The following GLE1 variants were observed in gnomAD, a reference collection of about 807,000 sequenced individuals.
The protein encoded by GLE1 is GLE1 RNA export mediator, also known as mRNA export factor GLE1.
GLE1 carries 78 observed loss-of-function variants against 97.3 expected under a neutral mutation model. That is an observed-to-expected ratio of 0.80 (90% CI 0.67 to 0.97). The LOEUF is 0.97. Ranked by LOEUF, GLE1 falls within the 50% of genes least tolerant of loss-of-function variation. The pLI is 0.00. For missense variants in GLE1, 753 were observed against 857.5 expected (o/e 0.88, Z 1.52); for synonymous variants, 302 against 313.4 (o/e 0.96, Z 0.39).
intron 7 of GLE1, 41 bp downstream of exon 7, chr9:128,525,464 T>A (rs1481583760): frequency 1.8e-5 from 22 of 1,221,870 alleles, no homozygotes; most frequent in Non-Finnish European, 2.6e-5. Flanking sequence ...CTCGTAAGTT[T>A]CAAATGTGAA....
intron 4 of GLE1, 95 bp downstream of exon 4, chr9:128,522,911 T>G: frequency 7.1e-7 from 1 of 1,401,078 alleles, no homozygotes. Context: ...GAACAACTTC[T>G]GAGTCCTTAA....
intron 2 of GLE1, among the ~76,000 whole-genome samples, chr9:128,513,953 G>A (rs1168264058): frequency 6.7e-6 from 1 of 150,372 alleles, no homozygotes; most frequent in Non-Finnish European, 1.5e-5. Context: ...GGGAGGCAGA[G>A]CTTGCAGTGA....
chr9:128,534,092 G>C lies in GLE1; in HGVS notation c.1646+141G>C. Reference sequence around the variant, plus strand: ...CAGAAATATAATGTCTTTCGGCCGGGTGCAGTGGCTCATGCCTGTAATCCC... The same window carrying C: ...CAGAAATATAATGTCTTTCGGCCGGCTGCAGTGGCTCATGCCTGTAATCCC... On this transcript the variant is annotated intron_variant, in intron 11 of 15. Coordinates refer to ENST00000309971, the MANE Select transcript of GLE1 (RefSeq NM_001003722.2). The C allele has an allele frequency of 4.1e-6, 3 of 726,626 alleles. No individual in the cohort carries two copies. In the South Asian group the frequency reaches 4.5e-5, roughly 11 times the overall value. 45.0% of individuals were successfully genotyped at this position (726,626 alleles called of 1,614,324 possible).
chr9:128,536,300 C>G, intron 11 of GLE1, 55 bp from the exon 12 acceptor site: 1 of 1,505,952 alleles, frequency 6.6e-7, no homozygotes, highest in Non-Finnish European at 9.2e-7. Flanking sequence ...TCCCAAAGTG[C>G]TGGGATTACA....
At chr9:128,540,836 A>C (rs1303190424) in intron 15 of GLE1, 2 of 498,584 alleles carry the variant, frequency 4.0e-6, no homozygotes, top group Non-Finnish European at 7.2e-6. Flanking sequence ...CTCGATTGTG[A>C]AAATAGTGAT....
In GLE1 at chr9:128,525,174, T is replaced by C. The variant is rs1356840574; in HGVS notation, c.898-18T>C. 6.9e-6 allele frequency: 11 copies of C among 1,583,304 alleles called. No individual in the cohort carries two copies. In the South Asian group the frequency reaches 1.1e-4, roughly 16 times the overall value. ...CCTAGGGAATGACCACTAAGCACCA[T>C]CTCCGTCACTCTGACAGAGCAGCTA... On this transcript the variant is annotated intron_variant, in intron 6 of 15. Transcript: ENST00000309971.
chr9:128,520,956 G>T (rs1564148692), intron 3 of GLE1, among the ~76,000 whole-genome samples: 2 of 151,852 alleles, frequency 1.3e-5, no homozygotes, highest in African/African-American at 4.8e-5. Flanking sequence ...AGAGACGGGG[G>T]TCTCTCTGTT....
intron 9 of GLE1, among the ~76,000 whole-genome samples, chr9:128,532,512 CAA>C (rs113734520): frequency 1.5e-4 from 19 of 130,996 alleles, no homozygotes; most frequent in Admixed American, 3.1e-4. Flanking sequence ...TCTGCTTAAG[CAA>C]AAAAAAAAAA....
chr9:128,508,833 C>T, intron 1 of GLE1, 43 bp from the exon 2 acceptor site: 1 of 1,097,766 alleles, frequency 9.1e-7, no homozygotes, highest in South Asian at 1.2e-5. Flanking sequence ...ATACTGAGAA[C>T]AGTTGACGTG....
chr9:128,532,209 CTTTTTTTTTTT>C (rs1160924908), intron 9 of GLE1, among the ~76,000 whole-genome samples: 1 of 49,358 alleles, frequency 2.0e-5, no homozygotes, highest in Non-Finnish European at 3.6e-5. Context: ...ATCTGCTTTG[CTTTTTTTTTTT>C]TTTTTTTTTT....
At chr9:128,519,885 GTAC>G (rs1405663118) in intron 3 of GLE1, among the ~76,000 whole-genome samples, 1 of 152,006 alleles carries the variant, frequency 6.6e-6, no homozygotes, top group Non-Finnish European at 1.5e-5. Flanking sequence ...TCTCTCTTTT[GTAC>G]TCTGTCCCTT....
chr9:128,519,123 T>C (rs1257861126), intron 3 of GLE1, among the ~76,000 whole-genome samples: 1 of 152,240 alleles, frequency 6.6e-6, no homozygotes, highest in African/African-American at 2.4e-5. Context: ...CTTTAATCTC[T>C]TAATCCTGTC....
chr9:128,539,758 A>T, intron 14 of GLE1, 60 bp downstream of exon 14: 1 of 1,613,396 alleles, frequency 6.2e-7, no homozygotes, highest in Non-Finnish European at 8.5e-7. Context: ...GGCCTCAGAT[A>T]CCCAAGGGTG....
intron 2 of GLE1, among the ~76,000 whole-genome samples, chr9:128,512,692 A>G (rs1238031040): frequency 6.8e-6 from 1 of 147,450 alleles, no homozygotes; most frequent in African/African-American, 2.5e-5. Flanking sequence ...TTTAATATGG[A>G]GTTTCGCTTT....
chr9:128,521,526 CCT>C (rs1847152151), intron 3 of GLE1, among the ~76,000 whole-genome samples: 2 of 151,878 alleles, frequency 1.3e-5, no homozygotes, highest in Admixed American at 6.6e-5. Flanking sequence ...AGGGTGAGAC[CCT>C]GTCTCAAAAA....
chr9:128,506,767 T>C (rs77606954), intron 1 of GLE1, among the ~76,000 whole-genome samples: 31 of 152,204 alleles, frequency 2.0e-4, no homozygotes, highest in Admixed American at 2.0e-3. Flanking sequence ...TGTGTACATA[T>C]ATATTATAAA....
Position 128,542,002 on chromosome 9 carries a change from G to C in GLE1, c.*832G>C, listed in dbSNP as rs1847893298. On this transcript the variant is annotated 3_prime_UTR_variant, in exon 16 of 16. Transcript: ENST00000309971. ...GAATTGGGATTAAATAAAGATGTTG[G>C]GCAGGAACTGAACACTGCTAATATG... The C allele has an allele frequency of 6.6e-6, 1 of 152,154 alleles. No homozygotes were observed. The highest frequency in any genetic ancestry group is 6.5e-5 in the Admixed American group (1 of 15,270). 9.4% of individuals were successfully genotyped at this position (152,154 alleles called of 1,614,324 possible). A position where few individuals can be genotyped will look rare whatever the true frequency, so the allele number is the denominator to read the frequency against.
intron 9 of GLE1, among the ~76,000 whole-genome samples, chr9:128,530,803 G>A (rs551332991): frequency 4.6e-5 from 7 of 151,810 alleles, no homozygotes; most frequent in Admixed American, 6.6e-5. Context: ...TAGCTACTCC[G>A]GAGGCTGAGG....
chr9:128,525,197 C>G lies in GLE1; in HGVS notation c.903C>G (p.Ser301Arg). ...SGIIRASSESSYPTAESQAEA... is the reference protein window; with the variant it reads ...SGIIRASSESRYPTAESQAEA... ...CATCTCCGTCACTCTGACAGAGCAGCTATCCCACAGCAGAGAGTCAAGCTG... is the reference window on the plus strand; with the variant it reads ...CATCTCCGTCACTCTGACAGAGCAGGTATCCCACAGCAGAGAGTCAAGCTG... Residue 301 changes from serine to arginine, a missense_variant, in exon 7 of 16, where the codon AGC becomes AGG. Ser to Arg is a moderately radical substitution (Grantham distance 110). Coordinates refer to ENST00000309971, the MANE Select transcript of GLE1 (RefSeq NM_001003722.2). The G allele has an allele frequency of 1.2e-6, 2 of 1,612,960 alleles. No individual in the cohort carries two copies. The highest frequency in any genetic ancestry group is 1.7e-6 in the Non-Finnish European group (2 of 1,178,958).
Sources: allele counts gnomAD v4.1 joint callset (sites outside exome capture counted in the v4.1 genomes callset), GRCh38; gene constraint gnomAD v4.1.1; transcripts MANE v1.5; gene names NCBI Gene and HGNC (gene_info 2026-07-23, HGNC 2026-07-21).